NCOA1: variants seen among roughly 807,000 people sequenced by gnomAD.
The protein encoded by NCOA1 is Hin-2 protein.
NCOA1 carries 35 observed loss-of-function variants against 150.9 expected under a neutral mutation model. The observed-to-expected ratio is 0.23, with a 90% CI of 0.18 to 0.31. The LOEUF (loss-of-function observed/expected upper bound fraction) is 0.31, where lower values mean the gene tolerates loss of function less well. Among genes scored for constraint, NCOA1 ranks in the 10% least tolerant of loss-of-function variants. NCOA1 has a pLI of 1.00. For missense variants in NCOA1, 1,491 were observed against 1,749.3 expected, an observed-to-expected ratio of 0.85 and a Z score of 2.63; for synonymous variants, 590 against 630.0, an observed-to-expected ratio of 0.94 and a Z score of 0.95.
chr2:24,596,003 A>G (rs942200018), intron 3 of NCOA1, among the ~76,000 whole-genome samples: 18 of 152,274 alleles, frequency 1.2e-4, no homozygotes, highest in African/African-American at 4.1e-4. Context: ...GAGTGAGATC[A>G]TGAGATTTCA....
intron 14 of NCOA1, among the ~76,000 whole-genome samples, chr2:24,718,230 A>C (rs1467546490): frequency 6.6e-6 from 1 of 152,182 alleles, no homozygotes; most frequent in African/African-American, 2.4e-5. Flanking sequence ...TCATCAAGGA[A>C]ATGCAAATTA....
intron 4 of NCOA1, among the ~76,000 whole-genome samples, chr2:24,648,800 T>C (rs560076010): frequency 1.3e-5 from 2 of 152,314 alleles, no homozygotes; most frequent in African/African-American, 2.4e-5. Flanking sequence ...TTGGTGTAGA[T>C]ATATATATTT....
At position 24,770,633 on chromosome 2, in the gene NCOA1, T is replaced by C. The variant is rs2148713261; in HGVS notation, c.*2242T>C. 4.9e-6 allele frequency: 1 copy of C among 202,438 alleles called. No homozygotes were observed. The highest frequency in any genetic ancestry group is 7.6e-5 in the East Asian group (1 of 13,086). The allele number at this position is 202,438 out of a possible 1,614,324, so 12.5% of individuals were successfully genotyped here. A position where few individuals can be genotyped will look rare whatever the true frequency, so the allele number is the denominator to read the frequency against. ...TTACAGGGAAGAAATGAAATGTACA[T>C]CTGCAGAAATTGCCAAAGCCCAAAT... On this transcript the variant is annotated 3_prime_UTR_variant, in exon 23 of 23. Transcript: ENST00000348332.
At chr2:24,735,712 T>G (rs1304532908) in intron 17 of NCOA1, among the ~76,000 whole-genome samples, 1 of 152,190 alleles carries the variant, frequency 6.6e-6, no homozygotes. Context: ...CTAGTGTATC[T>G]GTATTGGTTG....
chr2:24,735,539 T>A lies in NCOA1; in HGVS notation c.3202-3893T>A, dbSNP rs188763784. ...CAGATGTTGAAAAAATATATATATA[T>A]AAATAGATATCATTTATTGGCCATG... On this transcript the variant is annotated intron_variant, in intron 17 of 22. Transcript: ENST00000348332. Among the ~76,000 whole-genome samples, 799 of 152,146 alleles carry A rather than the reference T, an allele frequency of 5.3e-3. 4 individuals are homozygous for A. The highest frequency in any genetic ancestry group is 9.4e-3 in the Non-Finnish European group (640 of 67,990).
intron 3 of NCOA1, among the ~76,000 whole-genome samples, chr2:24,594,140 A>T (rs1443061759): frequency 6.6e-6 from 1 of 152,170 alleles, no homozygotes; most frequent in African/African-American, 2.4e-5. Context: ...AATAATTTAT[A>T]AGTGGAACAT....
At chr2:24,760,853 T>G (rs532780537) in intron 21 of NCOA1, among the ~76,000 whole-genome samples, 2 of 152,296 alleles carry the variant, frequency 1.3e-5, no homozygotes, top group South Asian at 2.1e-4. Flanking sequence ...TTTTGTTTTT[T>G]TGTGGTTTTT....
At chr2:24,585,531 T>G (rs566219668) in intron 3 of NCOA1, among the ~76,000 whole-genome samples, 55 of 152,208 alleles carry the variant, frequency 3.6e-4, no homozygotes, top group African/African-American at 1.3e-3. Context: ...TCTAAAAGAT[T>G]AAAAAAGGAA....
chr2:24,502,732 T>C (rs1663517013), intron 1 of NCOA1, among the ~76,000 whole-genome samples: 1 of 152,182 alleles, frequency 6.6e-6, no homozygotes, highest in South Asian at 2.1e-4. Context: ...TCTACCTCTT[T>C]ATATGTTATT....
chr2:24,675,175 A>G (rs1303897776), intron 7 of NCOA1, among the ~76,000 whole-genome samples: 2 of 152,126 alleles, frequency 1.3e-5, no homozygotes, highest in Non-Finnish European at 2.9e-5. Flanking sequence ...GTCTTTGTCT[A>G]TATAACATAT....
chr2:24,654,917 ATC>A (rs1478292075), intron 4 of NCOA1, among the ~76,000 whole-genome samples: 2 of 151,828 alleles, frequency 1.3e-5, no homozygotes, highest in Non-Finnish European at 2.9e-5. Flanking sequence ...CTTTGTTCAT[ATC>A]TCTCACTTTT....
chr2:24,628,909 G>A (rs953876155), intron 3 of NCOA1, among the ~76,000 whole-genome samples: 42 of 152,160 alleles, frequency 2.8e-4, no homozygotes, highest in African/African-American at 8.9e-4. Context: ...TCATAAGTGA[G>A]ATAAAACCCT....
intron 2 of NCOA1, among the ~76,000 whole-genome samples, chr2:24,572,576 C>T (rs894555033): frequency 6.6e-6 from 1 of 152,086 alleles, no homozygotes; most frequent in Non-Finnish European, 1.5e-5. Context: ...ATAACTTTTT[C>T]GTGAAGATTG....
intron 17 of NCOA1, among the ~76,000 whole-genome samples, chr2:24,739,105 G>A (rs1040353561): frequency 6.6e-6 from 1 of 151,992 alleles, no homozygotes; most frequent in Non-Finnish European, 1.5e-5. Context: ...CCCCATTGCA[G>A]CACTTATCTA....
chr2:24,588,090 C>T (rs1314153396), intron 3 of NCOA1, among the ~76,000 whole-genome samples: 2 of 152,062 alleles, frequency 1.3e-5, no homozygotes, highest in Non-Finnish European at 2.9e-5. Flanking sequence ...CCTCCCCTCC[C>T]CTCCCCTCTT....
chr2:24,516,937 T>TATACGTATATATACAC (rs374443824), intron 1 of NCOA1, among the ~76,000 whole-genome samples: 1 of 90,240 alleles, frequency 1.1e-5, no homozygotes, highest in Non-Finnish European at 2.6e-5. Context: ...CGTGTGTATA[T>TATACGTATATATACAC]ATATACGTAT....
chr2:24,748,859 T>C (rs1664074797), intron 19 of NCOA1, among the ~76,000 whole-genome samples: 2 of 152,100 alleles, frequency 1.3e-5, no homozygotes, highest in African/African-American at 4.8e-5. Context: ...AACATGTTTG[T>C]GATGTAATGT....
At chr2:24,530,633 C>G (rs1274247460) in intron 1 of NCOA1, among the ~76,000 whole-genome samples, 1 of 152,222 alleles carries the variant, frequency 6.6e-6, no homozygotes, top group Non-Finnish European at 1.5e-5. Context: ...CAGTCTGCCT[C>G]ATGCCCACTT....
intron 14 of NCOA1, among the ~76,000 whole-genome samples, chr2:24,712,332 G>A (rs1455840733): frequency 6.6e-6 from 1 of 152,240 alleles, no homozygotes; most frequent in Non-Finnish European, 1.5e-5. Context: ...ATGAAAGTCT[G>A]CATATTGATT....
Sources: allele counts gnomAD v4.1 joint callset (sites outside exome capture counted in the v4.1 genomes callset), GRCh38; gene constraint gnomAD v4.1.1; transcripts MANE v1.5; gene names NCBI Gene and HGNC (gene_info 2026-07-23, HGNC 2026-07-21).